The following SDCCAG8 variants were observed in gnomAD, a reference collection of about 807,000 sequenced individuals.
SDCCAG8 encodes the protein SHH signaling and ciliogenesis regulator SDCCAG8.
Under a neutral mutation model 101.8 loss-of-function variants are expected in SDCCAG8, and 74 were observed. That is an observed-to-expected ratio of 0.73 (90% CI 0.60 to 0.88). The LOEUF is 0.88. SDCCAG8 is among the 40% of genes least tolerant of loss of function. The pLI is 0.00. For synonymous variants in SDCCAG8, 281 were observed against 292.9 expected (o/e 0.96, Z 0.41); for missense variants, 787 against 822.6 (o/e 0.96, Z 0.53).
intron 13 of SDCCAG8, among the ~76,000 whole-genome samples, chr1:243,413,407 T>C (rs1483212493): frequency 6.6e-6 from 1 of 152,156 alleles, no homozygotes; most frequent in Admixed American, 6.6e-5. Flanking sequence ...GGTTTTGCCT[T>C]GTTGGCCATG....
rs988404435 is a variant in SDCCAG8, at chr1:243,474,211, A to G, written c.1986-14803A>G. ...CCATCGCGGGGAAATCAACCTTTTT[A>G]CTCATTGCCTCTCAGGGGAAAGAAC... On this transcript the variant is annotated intron_variant, in intron 16 of 17. Coordinates refer to ENST00000366541, the MANE Select transcript of SDCCAG8 (RefSeq NM_006642.5). The surrounding 1 kb of genome is among the most constrained non-coding windows in gnomAD (Gnocchi z 4.7). Among the ~76,000 whole-genome samples the G allele has an allele frequency of 9.9e-5, 15 of 152,062 alleles. No individual in the cohort carries two copies. Among genetic ancestry groups the G allele is most frequent in the Non-Finnish European group, 1.8e-4 (12 of 68,014 alleles).
intron 5 of SDCCAG8, among the ~76,000 whole-genome samples, chr1:243,289,216 G>A (rs1288223932): frequency 2.6e-5 from 4 of 152,120 alleles, no homozygotes; most frequent in African/African-American, 4.8e-5. Context: ...TGAAGAACCC[G>A]CTGTCTGAGG....
At chr1:243,309,890 A>G (rs571004059) in intron 8 of SDCCAG8, among the ~76,000 whole-genome samples, 2 of 151,768 alleles carry the variant, frequency 1.3e-5, no homozygotes, top group African/African-American at 2.4e-5. Flanking sequence ...TTTGAGACGG[A>G]GTCTCTCTCT....
intron 16 of SDCCAG8, among the ~76,000 whole-genome samples, chr1:243,440,544 G>A (rs1232875433): frequency 1.3e-5 from 2 of 152,146 alleles, no homozygotes; most frequent in Admixed American, 6.5e-5. Flanking sequence ...GGAATTCTGG[G>A]AAATGGCTGG....
At chr1:243,304,632 G>T in intron 6 of SDCCAG8, 81 bp from the exon 7 acceptor site, 1 of 743,358 alleles carries the variant, frequency 1.3e-6, no homozygotes, top group South Asian at 1.7e-5. Context: ...GAAAAAAATT[G>T]AGTTTAATAT....
Position 243,331,142 on chromosome 1 carries a change from C to T in SDCCAG8, c.1221+450C>T, listed in dbSNP as rs570328517. Among the ~76,000 whole-genome samples the T allele has an allele frequency of 7.2e-4, 109 of 152,304 alleles. No individual in the cohort carries two copies. In the Middle Eastern group the frequency reaches 0.01, roughly 14 times the overall value. On this transcript the variant is annotated intron_variant, in intron 10 of 17. Transcript: ENST00000366541. The stretch of plus-strand genomic sequence containing the variant: ...GTAACCAAGAAAAAGTGATTATGCA[C>T]TCTGTATGAAATCAGTTCTGACAAA...
chr1:243,289,084 A>AAT (rs755129397), intron 5 of SDCCAG8, among the ~76,000 whole-genome samples: 24 of 151,874 alleles, frequency 1.6e-4, no homozygotes, highest in East Asian at 7.7e-4. Flanking sequence ...AATATGATAT[A>AAT]ATATATATAT....
chr1:243,442,797 A>G (rs996626998), intron 16 of SDCCAG8, among the ~76,000 whole-genome samples: 3 of 152,220 alleles, frequency 2.0e-5, no homozygotes, highest in Admixed American at 6.5e-5. Flanking sequence ...TTTAGTGTCA[A>G]TTCTTGGAAC....
intron 16 of SDCCAG8, among the ~76,000 whole-genome samples, chr1:243,468,879 G>A (rs1368231244): frequency 6.6e-6 from 1 of 152,160 alleles, no homozygotes; most frequent in Non-Finnish European, 1.5e-5. Flanking sequence ...CTGAGCTAAC[G>A]TATGTGAAAA....
chr1:243,368,148 T>A (rs72759841), intron 12 of SDCCAG8, among the ~76,000 whole-genome samples: 9,466 of 151,330 alleles, frequency 0.063, 350 homozygotes, highest in South Asian at 0.13. Context: ...CCGGGGAGGT[T>A]AAGGCTGAAG....
chr1:243,361,980 A>G (rs2076737251), intron 12 of SDCCAG8, among the ~76,000 whole-genome samples: 1 of 152,178 alleles, frequency 6.6e-6, no homozygotes, highest in Non-Finnish European at 1.5e-5. Flanking sequence ...GGGTCACAGT[A>G]ACTGGATGGA....
At chr1:243,361,004 T>A (rs1453811109) in intron 12 of SDCCAG8, among the ~76,000 whole-genome samples, 1 of 152,178 alleles carries the variant, frequency 6.6e-6, no homozygotes, top group Non-Finnish European at 1.5e-5. Flanking sequence ...ACATTTGCAT[T>A]TACCTGTCTG....
intron 13 of SDCCAG8, among the ~76,000 whole-genome samples, chr1:243,413,286 T>A (rs141110193): frequency 1.8e-4 from 28 of 152,304 alleles, no homozygotes; most frequent in Admixed American, 6.5e-5. Context: ...GCTCGCTGCA[T>A]CCTCTACCTC....
chr1:243,295,129 G>A (rs2070740485), intron 6 of SDCCAG8, among the ~76,000 whole-genome samples: 1 of 152,088 alleles, frequency 6.6e-6, no homozygotes, highest in South Asian at 2.1e-4. Context: ...ATAATTTACA[G>A]TAGCTACTTA....
At chr1:243,301,463 A>G (rs549056845) in intron 6 of SDCCAG8, among the ~76,000 whole-genome samples, 2 of 152,318 alleles carry the variant, frequency 1.3e-5, no homozygotes, top group East Asian at 3.9e-4. Flanking sequence ...GCTCCCATGA[A>G]GCAAATTCAT....
intron 16 of SDCCAG8, among the ~76,000 whole-genome samples, chr1:243,486,997 C>T (rs1665050052): frequency 6.6e-6 from 1 of 152,360 alleles, no homozygotes; most frequent in East Asian, 1.9e-4. Flanking sequence ...GGAAAAGCCA[C>T]CTTAGGGTTC....
intron 16 of SDCCAG8, among the ~76,000 whole-genome samples, chr1:243,459,693 A>G (rs534007748): frequency 6.6e-6 from 1 of 152,250 alleles, no homozygotes; most frequent in Non-Finnish European, 1.5e-5. Context: ...TGGCAGCCTT[A>G]ACTCCTGTGC....
chr1:243,352,051 T>C (rs916293538), intron 12 of SDCCAG8, among the ~76,000 whole-genome samples: 2 of 152,240 alleles, frequency 1.3e-5, no homozygotes, highest in African/African-American at 4.8e-5. Flanking sequence ...GACTTTTCAA[T>C]TAACATGCTC....
At chr1:243,371,563 T>C (rs553559957) in intron 12 of SDCCAG8, among the ~76,000 whole-genome samples, 1 of 152,262 alleles carries the variant, frequency 6.6e-6, no homozygotes, top group South Asian at 2.1e-4. Flanking sequence ...AGTGAAAGCA[T>C]GAAGTCAGCG....
Sources: allele counts gnomAD v4.1 joint callset (sites outside exome capture counted in the v4.1 genomes callset), GRCh38; gene constraint gnomAD v4.1.1; non-coding constraint Gnocchi (gnomAD v3.1); transcripts MANE v1.5; gene names NCBI Gene and HGNC (gene_info 2026-07-23, HGNC 2026-07-21).